COL8A1: variants seen among roughly 807,000 people sequenced by gnomAD.
COL8A1 encodes collagen alpha-1(VIII) chain.
COL8A1 carries 21 observed loss-of-function variants against 42.7 expected under a neutral mutation model. That is an observed-to-expected ratio of 0.49 (90% CI 0.35 to 0.71). The LOEUF is 0.71. Ranked by LOEUF, COL8A1 falls within the 30% of genes least tolerant of loss-of-function variation. The pLI is 0.01. For synonymous variants in COL8A1, 367 were observed against 369.1 expected (o/e 0.99, Z 0.06); for missense variants, 788 against 962.4 (o/e 0.82, Z 2.40).
At chr3:99,645,658 T>C (rs1937627515) in intron 1 of COL8A1, among the ~76,000 whole-genome samples, 1 of 150,958 alleles carries the variant, frequency 6.6e-6, no homozygotes, top group South Asian at 2.1e-4. Context: ...GGCTAAAATG[T>C]ATGCCATTGT....
At chr3:99,778,742 G>A (rs941188672) in intron 2 of COL8A1, among the ~76,000 whole-genome samples, 3 of 152,162 alleles carry the variant, frequency 2.0e-5, no homozygotes, top group African/African-American at 7.2e-5. Flanking sequence ...GAAAACAGTA[G>A]GCATGGGGAA....
chr3:99,652,030 G>C (rs1193035116), intron 1 of COL8A1, among the ~76,000 whole-genome samples: 1 of 152,132 alleles, frequency 6.6e-6, no homozygotes, highest in African/African-American at 2.4e-5. Flanking sequence ...AGAGTCAATG[G>C]TAAAGATAGC....
intron 1 of COL8A1, among the ~76,000 whole-genome samples, chr3:99,693,103 T>A (rs1048097397): frequency 6.6e-6 from 1 of 152,138 alleles, no homozygotes; most frequent in Non-Finnish European, 1.5e-5. Context: ...GGCAGGAGAA[T>A]CGTTTGAACC....
intron 2 of COL8A1, among the ~76,000 whole-genome samples, chr3:99,773,409 G>C (rs1182928523): frequency 1.7e-5 from 2 of 116,038 alleles, no homozygotes; most frequent in Non-Finnish European, 3.9e-5. Flanking sequence ...CTGCATTTTA[G>C]TACGAAGTTT....
At chr3:99,697,876 T>G (rs1939425552) in intron 1 of COL8A1, among the ~76,000 whole-genome samples, 1 of 152,230 alleles carries the variant, frequency 6.6e-6, no homozygotes, top group Admixed American at 6.5e-5. Flanking sequence ...TGCAGGTTTG[T>G]TACATAGGTA....
At chr3:99,671,247 A>G (rs916910173) in intron 1 of COL8A1, among the ~76,000 whole-genome samples, 2 of 152,164 alleles carry the variant, frequency 1.3e-5, no homozygotes, top group East Asian at 3.9e-4. Context: ...TGTAGAGAAG[A>G]TAATTCTTCA....
At chr3:99,736,426 C>T (rs1300198911) in intron 1 of COL8A1, among the ~76,000 whole-genome samples, 2 of 152,018 alleles carry the variant, frequency 1.3e-5, no homozygotes, top group Non-Finnish European at 2.9e-5. Flanking sequence ...TACATGTGCA[C>T]ATTGTGCAGG....
Position 99,795,440 on chromosome 3 carries a change from G to A in COL8A1, c.1539G>A (p.Gly513=), listed in dbSNP as rs1365897728. 6 of 1,515,836 alleles carry A rather than the reference G, an allele frequency of 4.0e-6. No individual in the cohort carries two copies. The highest frequency in any genetic ancestry group is 4.4e-6 in the Non-Finnish European group (5 of 1,130,132). 93.9% of individuals were successfully genotyped at this position (1,515,836 alleles called of 1,614,324 possible). ...GGPSGPIGPP[G]IPGPKGEPGL... is the part of the protein sequence containing the mutation. The stretch of plus-strand genomic sequence containing the variant: ...CTAGTGGCCCCATTGGACCACCTGG[G>A]ATTCCAGGCCCCAAAGGGGAGCCGG... Residue 513 remains glycine (G), a synonymous_variant, in exon 4 of 4, where the codon GGG becomes GGA. Coordinates refer to ENST00000652472, the MANE Select transcript of COL8A1 (RefSeq NM_020351.4).
chr3:99,767,553 A>G (rs1365760126), intron 2 of COL8A1, among the ~76,000 whole-genome samples: 1 of 152,196 alleles, frequency 6.6e-6, no homozygotes, highest in Non-Finnish European at 1.5e-5. Flanking sequence ...GAAACCTCAA[A>G]TACCTTTCAT....
chr3:99,764,579 T>C (rs1941423633), intron 2 of COL8A1, among the ~76,000 whole-genome samples: 2 of 152,300 alleles, frequency 1.3e-5, no homozygotes, highest in Middle Eastern at 3.4e-3. Flanking sequence ...TGTTACTTAC[T>C]GACTGTAGGA....
chr3:99,648,719 T>C (rs1329649416), intron 1 of COL8A1, among the ~76,000 whole-genome samples: 1 of 152,184 alleles, frequency 6.6e-6, no homozygotes, highest in East Asian at 1.9e-4. Context: ...TCCATGATTC[T>C]ATGAGAAACA....
At chr3:99,681,678 C>T (rs1938887106) in intron 1 of COL8A1, among the ~76,000 whole-genome samples, 1 of 152,002 alleles carries the variant, frequency 6.6e-6, no homozygotes. Flanking sequence ...TGGGTTAGAC[C>T]CAAATTATTT....
chr3:99,680,702 A>G (rs1938847980), intron 1 of COL8A1, among the ~76,000 whole-genome samples: 1 of 152,156 alleles, frequency 6.6e-6, no homozygotes, highest in Non-Finnish European at 1.5e-5. Flanking sequence ...CTGGTGTGAG[A>G]TGGTATCTCA....
At chr3:99,762,413 T>C (rs1470793912) in intron 2 of COL8A1, among the ~76,000 whole-genome samples, 1 of 152,212 alleles carries the variant, frequency 6.6e-6, no homozygotes, top group Non-Finnish European at 1.5e-5. Context: ...AAAAATTATG[T>C]TCTATCCTTC....
At chr3:99,670,033 A>G (rs560788390) in intron 1 of COL8A1, among the ~76,000 whole-genome samples, 2 of 152,190 alleles carry the variant, frequency 1.3e-5, no homozygotes, top group African/African-American at 4.8e-5. Context: ...TCCAGGACCC[A>G]AAGAAGAGAT....
At chr3:99,729,468 T>TA (rs1264135758) in intron 1 of COL8A1, among the ~76,000 whole-genome samples, 2 of 151,846 alleles carry the variant, frequency 1.3e-5, no homozygotes, top group Admixed American at 6.6e-5. Context: ...TTATTTTTTT[T>TA]AAAAAAAGAA....
At position 99,724,426 on chromosome 3, in the gene COL8A1, C is replaced by T. The variant is rs537877591; in HGVS notation, c.-128-20471C>T. On this transcript the variant is annotated intron_variant, in intron 1 of 3. Coordinates refer to ENST00000652472, the MANE Select transcript of COL8A1 (RefSeq NM_020351.4). ...ATAAATCCAGTCTTGCTGGAGTTCT[C>T]AGCTCAGAGCAGTCTGCCATTGCCC... Among the ~76,000 whole-genome samples the T allele has an allele frequency of 3.3e-5, 5 of 152,232 alleles. No homozygotes were observed. In the South Asian group the frequency reaches 1.0e-3, roughly 32 times the overall value.
At chr3:99,656,511 C>T (rs2107295803) in intron 1 of COL8A1, among the ~76,000 whole-genome samples, 1 of 150,938 alleles carries the variant, frequency 6.6e-6, no homozygotes, top group South Asian at 2.1e-4. Flanking sequence ...AAAAAAAAAG[C>T]TTTCCTCACA....
intron 1 of COL8A1, among the ~76,000 whole-genome samples, chr3:99,718,854 G>T (rs1433927572): frequency 3.3e-5 from 5 of 152,016 alleles, no homozygotes; most frequent in African/African-American, 1.2e-4. Context: ...CTTAGGAAAA[G>T]ATTTCATATT....
Sources: allele counts gnomAD v4.1 joint callset (sites outside exome capture counted in the v4.1 genomes callset), GRCh38; gene constraint gnomAD v4.1.1; transcripts MANE v1.5; gene names NCBI Gene and HGNC (gene_info 2026-07-23, HGNC 2026-07-21).